The following ROCK2 variants were observed in gnomAD, a reference collection of about 807,000 sequenced individuals.
The protein encoded by ROCK2 is rho-associated protein kinase 2.
A neutral mutation model predicts 195.1 loss-of-function variants in ROCK2; 61 were observed. That is an observed-to-expected ratio of 0.31 (90% CI 0.25 to 0.39). The LOEUF (loss-of-function observed/expected upper bound fraction) is 0.39, where lower values mean the gene tolerates loss of function less well. ROCK2 is among the 10% of genes least tolerant of loss of function. The pLI is 1.00. For missense variants in ROCK2, 1,109 were observed against 1,637.4 expected (o/e 0.68, Z 5.57); for synonymous variants, 504 against 545.5 (o/e 0.92, Z 1.06).
chr2:11,313,429 T>G (rs756810060), intron 1 of ROCK2, among the ~76,000 whole-genome samples: 5 of 152,088 alleles, frequency 3.3e-5, no homozygotes, highest in Admixed American at 2.6e-4. Flanking sequence ...AATAAAATTA[T>G]CTCTTATTGA....
At chr2:11,336,955 A>T (rs1668947638) in intron 1 of ROCK2, among the ~76,000 whole-genome samples, 1 of 152,190 alleles carries the variant, frequency 6.6e-6, no homozygotes, top group African/African-American at 2.4e-5. Flanking sequence ...AAAAAAAGAG[A>T]TATGGGGCCA....
intron 3 of ROCK2, among the ~76,000 whole-genome samples, chr2:11,252,181 T>A (rs1455656371): frequency 6.6e-6 from 1 of 151,936 alleles, no homozygotes; most frequent in Non-Finnish European, 1.5e-5. Context: ...GAGGCTGAGG[T>A]GGGTGGATCA....
intron 1 of ROCK2, among the ~76,000 whole-genome samples, chr2:11,315,505 A>C (rs753582739): frequency 6.6e-6 from 1 of 152,118 alleles, no homozygotes; most frequent in Non-Finnish European, 1.5e-5. Context: ...TCGGCATAAT[A>C]TAAGTTTTAA....
chr2:11,300,223 T>C (rs1392846777), intron 1 of ROCK2, among the ~76,000 whole-genome samples: 2 of 152,208 alleles, frequency 1.3e-5, no homozygotes, highest in African/African-American at 2.4e-5. Context: ...GTAGGAATAA[T>C]AATTTATCAA....
chr2:11,253,896 A>G (rs1482811587), intron 3 of ROCK2, among the ~76,000 whole-genome samples: 2 of 152,258 alleles, frequency 1.3e-5, no homozygotes, highest in Admixed American at 1.3e-4. Flanking sequence ...TCTTCCCCAG[A>G]GCAGACAGGG....
In ROCK2 at chr2:11,182,505, G is replaced by A. The variant is rs905744917; in HGVS notation, c.*932C>T. ...ATTAGTTCCAACACCATCCATTATT[G>A]TTTCTATAACCAATAATACTTTAAA... On this transcript the variant is annotated 3_prime_UTR_variant, in exon 33 of 33. Transcript: ENST00000315872. The A allele has an allele frequency of 6.6e-6, 1 of 152,070 alleles. No homozygotes were observed. Among genetic ancestry groups the A allele is most frequent in the Non-Finnish European group, 1.5e-5 (1 of 68,008 alleles). 9.4% of individuals were successfully genotyped at this position (152,070 alleles called of 1,614,324 possible). A position where few individuals can be genotyped will look rare whatever the true frequency, so the allele number is the denominator to read the frequency against.
intron 1 of ROCK2, chr2:11,308,580 C>A (rs1667935815): frequency 6.7e-7 from 1 of 1,499,080 alleles, no homozygotes; most frequent in African/African-American, 1.4e-5. Context: ...TGCATCAATC[C>A]CTATATTACA....
At chr2:11,331,981 T>C (rs961058194) in intron 1 of ROCK2, among the ~76,000 whole-genome samples, 2 of 151,596 alleles carry the variant, frequency 1.3e-5, no homozygotes, top group South Asian at 2.1e-4. Flanking sequence ...CTGCCATTAT[T>C]AGGGCCTTCC....
chr2:11,312,350 T>A (rs904114341), intron 1 of ROCK2, among the ~76,000 whole-genome samples: 1 of 152,078 alleles, frequency 6.6e-6, no homozygotes, highest in African/African-American at 2.4e-5. Flanking sequence ...TATGTATACA[T>A]CCATAAAATC....
chr2:11,200,563 C>A (rs1351121541), intron 23 of ROCK2, among the ~76,000 whole-genome samples: 1 of 152,152 alleles, frequency 6.6e-6, no homozygotes, highest in Non-Finnish European at 1.5e-5. Flanking sequence ...TTTTTAATTA[C>A]CGCAGCATTT....
intron 20 of ROCK2, among the ~76,000 whole-genome samples, chr2:11,206,119 AAAG>A (rs1190922690): frequency 7.9e-5 from 12 of 152,124 alleles, no homozygotes; most frequent in Non-Finnish European, 1.2e-4. Flanking sequence ...CCAAAAAAAA[AAAG>A]GACTGGGGAG....
chr2:11,211,613 C>A, intron 18 of ROCK2, 68 bp downstream of exon 18: 3 of 1,402,524 alleles, frequency 2.1e-6, no homozygotes, highest in South Asian at 1.8e-5. Context: ...GTTTCAAAAC[C>A]AAAAAGCTAA....
At chr2:11,320,753 A>C (rs920724658) in intron 1 of ROCK2, among the ~76,000 whole-genome samples, 3 of 152,198 alleles carry the variant, frequency 2.0e-5, no homozygotes, top group Admixed American at 6.5e-5. Flanking sequence ...GAGGAGAAAA[A>C]CAAAGTGAGC....
chr2:11,264,119 C>T (rs1192364766), intron 3 of ROCK2, among the ~76,000 whole-genome samples: 1 of 152,098 alleles, frequency 6.6e-6, no homozygotes, highest in Non-Finnish European at 1.5e-5. Context: ...ATAGTAATGT[C>T]AGTCTAACTG....
At chr2:11,285,636 C>T (rs866222440) in intron 3 of ROCK2, among the ~76,000 whole-genome samples, 31 of 152,024 alleles carry the variant, frequency 2.0e-4, no homozygotes, top group African/African-American at 7.2e-4. Flanking sequence ...AGATCAGCCT[C>T]GGCAACATGG....
rs771852064 is a variant in ROCK2, at chr2:11,215,360, A to G, written c.1650T>C (p.Ser550=). ...GATTCACTTTCTCAGTGGATATTTG[A>G]GAGTTTTGATTTCTTTTTTTCAAAT... is the stretch of plus-strand genomic sequence containing the variant. ...LEDLKKRNQN[S]QISTEKVNQL... Residue 550 remains serine, a synonymous_variant, in exon 15 of 33, where the codon TCT becomes TCC. Coordinates refer to ENST00000315872, the MANE Select transcript of ROCK2 (RefSeq NM_004850.5). 3.1e-6 allele frequency: 5 copies of G among 1,607,600 alleles called. No homozygotes were observed. The African/African-American group carries it at 6.7e-5, about 22-fold the overall frequency.
chr2:11,248,945 G>A (rs1665730043), intron 4 of ROCK2, among the ~76,000 whole-genome samples: 1 of 151,930 alleles, frequency 6.6e-6, no homozygotes, highest in East Asian at 1.9e-4. Flanking sequence ...TGCCAGGCTG[G>A]AGTGCAGTGG....
At chr2:11,320,617 G>A (rs1201933405) in intron 1 of ROCK2, among the ~76,000 whole-genome samples, 5 of 152,300 alleles carry the variant, frequency 3.3e-5, no homozygotes, top group East Asian at 1.9e-4. Flanking sequence ...TGCTTAGGGA[G>A]TTAAAATATC....
At chr2:11,219,451 C>T (rs1428459499) in intron 9 of ROCK2, among the ~76,000 whole-genome samples, 2 of 151,708 alleles carry the variant, frequency 1.3e-5, no homozygotes, top group African/African-American at 2.4e-5. Flanking sequence ...GTGGAGGTTG[C>T]AGTGAGCTGA....
Sources: gnomAD v4.1 joint callset for allele counts (sites outside exome capture counted in the v4.1 genomes callset) on GRCh38, gnomAD v4.1.1 for gene constraint, MANE v1.5 for transcripts, NCBI Gene and HGNC (gene_info 2026-07-23, HGNC 2026-07-21) for gene names.